B4GALT6: variants seen among roughly 807,000 people sequenced by gnomAD.
The protein encoded by B4GALT6 is UDP-Gal:beta-GlcNAc beta-1,4-galactosyltransferase 6.
B4GALT6 carries 14 observed loss-of-function variants against 46.3 expected under a neutral mutation model. That is an observed-to-expected ratio of 0.30 (90% confidence interval 0.20 to 0.47). The LOEUF (loss-of-function observed/expected upper bound fraction) is 0.47, where lower values mean the gene tolerates loss of function less well. Among genes scored for constraint, B4GALT6 ranks in the 20% least tolerant of loss-of-function variants. The pLI is 0.99. For missense variants in B4GALT6, 386 were observed against 480.1 expected (o/e 0.80, Z 1.83); for synonymous variants, 168 against 162.0 (o/e 1.04, Z -0.28).
At chr18:31,670,100 T>A (rs1305783198) in intron 1 of B4GALT6, among the ~76,000 whole-genome samples, 1 of 151,790 alleles carries the variant, frequency 6.6e-6, no homozygotes, top group Non-Finnish European at 1.5e-5. Flanking sequence ...GTCATCCAGG[T>A]TGGAGTGCGG....
At chr18:31,671,592 T>G (rs2074358178) in intron 1 of B4GALT6, among the ~76,000 whole-genome samples, 1 of 152,330 alleles carries the variant, frequency 6.6e-6, no homozygotes, top group Non-Finnish European at 1.5e-5. Flanking sequence ...TTTGATGGGG[T>G]TTTTTTCTTG....
chr18:31,645,135 C>A (rs959534823), intron 4 of B4GALT6, among the ~76,000 whole-genome samples: 15 of 151,848 alleles, frequency 9.9e-5, no homozygotes, highest in African/African-American at 3.6e-4. Flanking sequence ...AGAGAATGAA[C>A]CGAGCATCTA....
intron 1 of B4GALT6, among the ~76,000 whole-genome samples, chr18:31,677,532 T>C (rs538735498): frequency 6.6e-6 from 1 of 152,318 alleles, no homozygotes; most frequent in African/African-American, 2.4e-5. Context: ...TGCTTAATTT[T>C]CCAAAGGCAT....
the B4GALT6 span, among the ~76,000 whole-genome samples, chr18:31,691,657 T>G: frequency 6.6e-6 from 1 of 152,168 alleles, no homozygotes; most frequent in East Asian, 1.9e-4. Context: ...TTTCTCAGTC[T>G]GTTCTTTTAA....
At chr18:31,690,939 T>C in the B4GALT6 span, among the ~76,000 whole-genome samples, 1 of 150,760 alleles carries the variant, frequency 6.6e-6, no homozygotes, top group South Asian at 2.1e-4. Context: ...AAGTGGGAGG[T>C]GAACAGTGAG....
chr18:31,708,490 G>A, the B4GALT6 span, among the ~76,000 whole-genome samples: 139 of 152,136 alleles, frequency 9.1e-4, no homozygotes, highest in African/African-American at 3.0e-3. Context: ...GCTTGAACCC[G>A]GGAGGCAGAG....
chr18:31,658,372 T>C, intron 2 of B4GALT6: 2 of 246,526 alleles, frequency 8.1e-6, no homozygotes, highest in Non-Finnish European at 1.6e-5. Flanking sequence ...CTCCCGTCCC[T>C]CCCCTGGCTG....
chr18:31,711,057 C>G, the B4GALT6 span, among the ~76,000 whole-genome samples: 3 of 152,274 alleles, frequency 2.0e-5, no homozygotes, highest in Middle Eastern at 3.4e-3. Flanking sequence ...ACTCTGCCCT[C>G]AAAGCTATGC....
At position 31,622,465 on chromosome 18, in the gene B4GALT6, C is replaced by T. The variant is rs966581696; in HGVS notation, c.*3149G>A. ...TTAGTTCTCTCAACCGGCATACTTG[C>T]AAATACAAGACAATAAATCTACAAC... On this transcript the variant is annotated 3_prime_UTR_variant, in exon 9 of 9. Transcript: ENST00000306851. 4.0e-5 allele frequency: 6 copies of T among 151,848 alleles called. No homozygotes were observed. The highest frequency in any genetic ancestry group is 7.4e-5 in the Non-Finnish European group (5 of 67,866). The allele number at this position is 151,848 out of a possible 1,614,324, so 9.4% of individuals were successfully genotyped here. A position where few individuals can be genotyped will look rare whatever the true frequency, so the allele number is the denominator to read the frequency against.
At chr18:31,708,580 A>AAAAATT in the B4GALT6 span, among the ~76,000 whole-genome samples, 5 of 149,934 alleles carry the variant, frequency 3.3e-5, no homozygotes, top group East Asian at 2.0e-4. Context: ...AAATAAAAAT[A>AAAAATT]AAAATTAAAA....
chr18:31,697,414 G>T, the B4GALT6 span, among the ~76,000 whole-genome samples: 1 of 144,644 alleles, frequency 6.9e-6, no homozygotes, highest in Non-Finnish European at 1.5e-5. Flanking sequence ...GAGGGAGGGG[G>T]TTGAGGTACA....
At chr18:31,718,129 T>C in the B4GALT6 span, among the ~76,000 whole-genome samples, 1 of 152,174 alleles carries the variant, frequency 6.6e-6, no homozygotes, top group Non-Finnish European at 1.5e-5. Context: ...AGCACAACAT[T>C]AAAGCATTGC....
the B4GALT6 span, among the ~76,000 whole-genome samples, chr18:31,710,432 T>C: frequency 6.6e-6 from 1 of 152,312 alleles, no homozygotes. Flanking sequence ...AAAATGTCTT[T>C]AGAGATGTAA....
At chr18:31,637,142 T>C (rs1451828278) in intron 5 of B4GALT6, among the ~76,000 whole-genome samples, 1 of 152,370 alleles carries the variant, frequency 6.6e-6, no homozygotes, top group East Asian at 1.9e-4. Flanking sequence ...TTACACTTTA[T>C]AGCCTTTAAA....
the B4GALT6 span, among the ~76,000 whole-genome samples, chr18:31,702,570 A>G: frequency 3.9e-5 from 6 of 152,194 alleles, no homozygotes; most frequent in African/African-American, 1.4e-4. Flanking sequence ...GTCATGCTAG[A>G]TAATCTGAGT....
intron 1 of B4GALT6, among the ~76,000 whole-genome samples, 197 bp from the exon 2 acceptor site, chr18:31,666,569 CA>C (rs906855620): frequency 4.4e-4 from 66 of 149,830 alleles, no homozygotes; most frequent in African/African-American, 1.4e-3. Context: ...AGAATAAAAA[CA>C]AAAAAAAAGT....
At chr18:31,719,938 G>A in the B4GALT6 span, among the ~76,000 whole-genome samples, 1 of 152,204 alleles carries the variant, frequency 6.6e-6, no homozygotes, top group Non-Finnish European at 1.5e-5. Context: ...GCAATGTGGG[G>A]AGGTTCAGAC....
intron 3 of B4GALT6, among the ~76,000 whole-genome samples, chr18:31,652,229 C>G (rs1047728750): frequency 5.3e-5 from 8 of 152,222 alleles, no homozygotes; most frequent in African/African-American, 1.7e-4. Context: ...TCTACATACA[C>G]TTCTGACGCA....
the B4GALT6 span, among the ~76,000 whole-genome samples, chr18:31,719,605 T>C: frequency 6.6e-6 from 1 of 152,192 alleles, no homozygotes; most frequent in Non-Finnish European, 1.5e-5. Context: ...GAGTAATTCA[T>C]GCAGAGCCAG....
Sources: allele counts gnomAD v4.1 joint callset (sites outside exome capture counted in the v4.1 genomes callset), GRCh38; gene constraint gnomAD v4.1.1; transcripts MANE v1.5; gene names NCBI Gene and HGNC (gene_info 2026-07-23, HGNC 2026-07-21).